Variants in CALCR observed in about 807,000 individuals in gnomAD.
The protein encoded by CALCR is calcitonin receptor.
In CALCR, 47 loss-of-function variants were observed where a neutral mutation model predicts 59.5. The ratio of observed to expected loss-of-function variants is 0.79; its 90% CI spans 0.63 to 1.01. The LOEUF is 1.01. CALCR is among the 50% of genes least tolerant of loss of function. The pLI, the probability that CALCR is intolerant of heterozygous loss-of-function variation, is 0.00. For synonymous variants in CALCR, 213 were observed against 211.3 expected (o/e 1.01, Z -0.07); for missense variants, 566 against 597.1 (o/e 0.95, Z 0.54).
At chr7:93,536,586 G>A (rs1398423680) in intron 2 of CALCR, among the ~76,000 whole-genome samples, 1 of 151,600 alleles carries the variant, frequency 6.6e-6, no homozygotes, top group Admixed American at 6.6e-5. Flanking sequence ...GGGTACATGT[G>A]CACAACGTGC....
chr7:93,457,020 A>T (rs1263457712), intron 8 of CALCR, among the ~76,000 whole-genome samples: 1 of 152,112 alleles, frequency 6.6e-6, no homozygotes, highest in Non-Finnish European at 1.5e-5. Context: ...ATGTGTTTTG[A>T]CTTAGTGGTG....
chr7:93,549,612 T>C (rs1789394191), intron 2 of CALCR, among the ~76,000 whole-genome samples: 1 of 152,196 alleles, frequency 6.6e-6, no homozygotes, highest in Non-Finnish European at 1.5e-5. Flanking sequence ...GTATCAAAAA[T>C]GAAAACATCA....
intron 2 of CALCR, among the ~76,000 whole-genome samples, chr7:93,496,696 CAA>C (rs1464077950): frequency 6.6e-6 from 1 of 151,494 alleles, no homozygotes; most frequent in African/African-American, 2.4e-5. Context: ...GGAATGTGGG[CAA>C]AGAGTAGTGA....
chr7:93,574,208 G>C (rs763915728), intron 2 of CALCR, 81 bp downstream of exon 2: 5 of 152,178 alleles, frequency 3.3e-5, no homozygotes, highest in African/African-American at 1.2e-4. Flanking sequence ...AAAAAGCAAG[G>C]TGCCTATAGC....
At chr7:93,513,154 A>G (rs941527325) in intron 2 of CALCR, among the ~76,000 whole-genome samples, 2 of 152,154 alleles carry the variant, frequency 1.3e-5, no homozygotes, top group Non-Finnish European at 1.5e-5. Flanking sequence ...TTTGCCTCTC[A>G]GTGCACTTCT....
chr7:93,437,952 T>C, intron 11 of CALCR, 108 bp downstream of exon 11: 1 of 1,021,114 alleles, frequency 9.8e-7, no homozygotes, highest in South Asian at 1.5e-5. Context: ...TACCATCAAA[T>C]TAGCTTCATT....
chr7:93,508,163 A>C (rs192331428), intron 2 of CALCR, among the ~76,000 whole-genome samples: 1 of 152,362 alleles, frequency 6.6e-6, no homozygotes, highest in Non-Finnish European at 1.5e-5. Flanking sequence ...ATATAGCCAA[A>C]GAAAAATAAG....
At chr7:93,522,946 T>G (rs1339789003) in intron 2 of CALCR, among the ~76,000 whole-genome samples, 1 of 152,232 alleles carries the variant, frequency 6.6e-6, no homozygotes, top group Non-Finnish European at 1.5e-5. Flanking sequence ...TTCCTGCTTT[T>G]TTTCAGTTTG....
intron 11 of CALCR, 88 bp downstream of exon 11, chr7:93,437,972 T>C (rs562344941): frequency 8.7e-7 from 1 of 1,143,504 alleles, no homozygotes; most frequent in Non-Finnish European, 1.3e-6. Context: ...TTTGAAGTTA[T>C]AAAACATATG....
chr7:93,496,063 G>A, intron 2 of CALCR: 1 of 658,480 alleles, frequency 1.5e-6, no homozygotes, highest in Non-Finnish European at 2.5e-6. Context: ...TACTTGAAAA[G>A]CAAAGTTAAA....
chr7:93,437,992 A>T, intron 11 of CALCR, 68 bp downstream of exon 11: 2 of 1,225,656 alleles, frequency 1.6e-6, no homozygotes, highest in South Asian at 1.3e-5. Context: ...GATACATAGA[A>T]CTATATACAC....
chr7:93,426,138 A>C lies in CALCR; in HGVS notation c.*218T>G, dbSNP rs1799520780. ...CATCTCAGTCCTGGATGAATGATGG[A>C]GTTCACAAGTTGCAGTGGGAGACTC... On this transcript the variant is annotated 3_prime_UTR_variant, in exon 14 of 14. Transcript: ENST00000426151. 6.0e-6 allele frequency: 3 copies of C among 503,686 alleles called. No individual in the cohort carries two copies. The highest frequency in any genetic ancestry group is 3.5e-6 in the Non-Finnish European group (1 of 286,576). 31.2% of individuals were successfully genotyped at this position (503,686 alleles called of 1,614,324 possible).
At chr7:93,565,069 T>C (rs1331965757) in intron 2 of CALCR, among the ~76,000 whole-genome samples, 1 of 152,216 alleles carries the variant, frequency 6.6e-6, no homozygotes, top group Non-Finnish European at 1.5e-5. Flanking sequence ...TTTAACTGTC[T>C]TTGAGGTCAT....
intron 2 of CALCR, among the ~76,000 whole-genome samples, chr7:93,564,606 C>T (rs1238457033): frequency 6.6e-6 from 1 of 152,092 alleles, no homozygotes; most frequent in Non-Finnish European, 1.5e-5. Context: ...GCGCACACCA[C>T]TACCCTCAGC....
chr7:93,469,978 G>A (rs1215158405), intron 6 of CALCR, among the ~76,000 whole-genome samples: 1 of 144,992 alleles, frequency 6.9e-6, no homozygotes, highest in Non-Finnish European at 1.5e-5. Context: ...ACTATTCAGA[G>A]CCCTTTCTTG....
chr7:93,425,017 G>A lies in CALCR; in HGVS notation c.*1339C>T, dbSNP rs763147921. On this transcript the variant is annotated 3_prime_UTR_variant, in exon 14 of 14. Coordinates refer to ENST00000426151, the MANE Select transcript of CALCR (RefSeq NM_001742.4). ...GACTGGAGATTTGGAGGGTTTCAAT[G>A]TACCTCCTCATTTAGCATACAAATT... 6.6e-5 allele frequency: 10 copies of A among 152,554 alleles called. No homozygotes were observed. The highest frequency in any genetic ancestry group is 1.3e-4 in the Non-Finnish European group (9 of 68,004). The allele number at this position is 152,554 out of a possible 1,614,324, so 9.5% of individuals were successfully genotyped here.
chr7:93,549,703 T>A (rs1789396592), intron 2 of CALCR, among the ~76,000 whole-genome samples: 1 of 152,208 alleles, frequency 6.6e-6, no homozygotes, highest in Non-Finnish European at 1.5e-5. Flanking sequence ...GGTTTAGGGC[T>A]TGACGAAGAC....
chr7:93,481,947 T>C lies in CALCR; in HGVS notation c.52-2440A>G, dbSNP rs142000047. ...TTGATGAGCCCAACATTGTGCCAGATGCTGAGGATACAGTGCTGAATAAAA... is the reference window on the plus strand; with the variant it reads ...TTGATGAGCCCAACATTGTGCCAGACGCTGAGGATACAGTGCTGAATAAAA... On this transcript the variant is annotated intron_variant, in intron 3 of 13. Coordinates refer to ENST00000426151, the MANE Select transcript of CALCR (RefSeq NM_001742.4). Among the ~76,000 whole-genome samples, 300 of 151,984 alleles carry C rather than the reference T, an allele frequency of 2.0e-3. 1 individual carries two copies. The highest frequency in any genetic ancestry group is 6.4e-3 in the African/African-American group (267 of 41,518).
At chr7:93,539,375 A>G (rs1563012877) in intron 2 of CALCR, among the ~76,000 whole-genome samples, 1 of 151,574 alleles carries the variant, frequency 6.6e-6, no homozygotes, top group Admixed American at 6.6e-5. Flanking sequence ...CATTTCAATC[A>G]GGGGCTTTTA....
Sources: gnomAD v4.1 joint callset for allele counts (sites outside exome capture counted in the v4.1 genomes callset) on GRCh38, gnomAD v4.1.1 for gene constraint, MANE v1.5 for transcripts, NCBI Gene and HGNC (gene_info 2026-07-23, HGNC 2026-07-21) for gene names.